Variants in NR2C2 observed in about 807,000 individuals in gnomAD.
NR2C2 encodes nuclear receptor subfamily 2 group C member 2.
Under a neutral mutation model 62.9 loss-of-function variants are expected in NR2C2, and 6 were observed. The observed-to-expected ratio is 0.10, with a 90% CI of 0.05 to 0.19. The LOEUF is 0.19. Ranked by LOEUF, NR2C2 falls within the 10% of genes least tolerant of loss-of-function variation. The probability of loss-of-function intolerance (pLI) is 1.00; values close to 1 mark genes in which losing one functional copy is unlikely to be tolerated. For synonymous variants in NR2C2, 272 were observed against 273.8 expected (o/e 0.99, Z 0.07); for missense variants, 479 against 762.7 (o/e 0.63, Z 4.38).
intron 12 of NR2C2, chr3:15,038,683 C>T (rs1481617358): frequency 5.9e-6 from 1 of 170,852 alleles, no homozygotes; most frequent in Admixed American, 5.5e-5. Context: ...GTTCACCTCA[C>T]AGTAAGGGGT....
At chr3:14,970,739 G>C (rs1249832666) in intron 1 of NR2C2, among the ~76,000 whole-genome samples, 28 of 152,094 alleles carry the variant, frequency 1.8e-4, no homozygotes, top group Admixed American at 1.8e-3. Context: ...CTGTCAGTGG[G>C]CATTTGGGTT....
At chr3:14,989,312 T>C (rs1241830406) in intron 1 of NR2C2, among the ~76,000 whole-genome samples, 1 of 152,192 alleles carries the variant, frequency 6.6e-6, no homozygotes, top group Non-Finnish European at 1.5e-5. Context: ...TTTGCGTATC[T>C]TCCTGCCAGA....
chr3:14,955,338 A>G (rs960864789), intron 1 of NR2C2, among the ~76,000 whole-genome samples: 5 of 152,232 alleles, frequency 3.3e-5, no homozygotes, highest in Non-Finnish European at 7.3e-5. Context: ...CATAAGTCAC[A>G]TATTACGACT....
chr3:15,016,103 T>C (rs2041504388), intron 3 of NR2C2, 49 bp from the exon 4 acceptor site: 2 of 1,423,200 alleles, frequency 1.4e-6, no homozygotes, highest in Non-Finnish European at 2.0e-6. Flanking sequence ...TGCCCGGCAG[T>C]GATTTGATTT....
chr3:14,975,896 G>A (rs1210144193), intron 1 of NR2C2, among the ~76,000 whole-genome samples: 1 of 151,792 alleles, frequency 6.6e-6, no homozygotes, highest in Non-Finnish European at 1.5e-5. Flanking sequence ...ACTGGTTATA[G>A]GTCTATTTGG....
chr3:14,985,943 CT>C (rs1167159050), intron 1 of NR2C2, among the ~76,000 whole-genome samples: 3 of 151,744 alleles, frequency 2.0e-5, no homozygotes, highest in Admixed American at 2.0e-4. Context: ...AAGGGTTTTT[CT>C]TTTTTTTCCC....
At chr3:14,952,697 C>T (rs945907704) in intron 1 of NR2C2, among the ~76,000 whole-genome samples, 2 of 152,132 alleles carry the variant, frequency 1.3e-5, no homozygotes, top group African/African-American at 4.8e-5. Context: ...ATATGTTCTT[C>T]CTTATTCGTT....
intron 10 of NR2C2, among the ~76,000 whole-genome samples, chr3:15,032,872 G>A (rs1053822934): frequency 6.6e-6 from 1 of 152,104 alleles, no homozygotes; most frequent in Non-Finnish European, 1.5e-5. Flanking sequence ...TGAATCAGCT[G>A]TTTCCTCAAA....
intron 11 of NR2C2, among the ~76,000 whole-genome samples, chr3:15,037,241 T>TG (rs1559310185): frequency 1.5e-4 from 21 of 138,524 alleles, no homozygotes; most frequent in East Asian, 4.2e-4. Context: ...GTGTGTGTGT[T>TG]TTTGTTTTTT....
intron 1 of NR2C2, among the ~76,000 whole-genome samples, chr3:14,963,610 A>G (rs1468946516): frequency 1.3e-5 from 2 of 151,704 alleles, no homozygotes; most frequent in East Asian, 1.9e-4. Context: ...CTGGGACTAC[A>G]GGCACCCGCC....
chr3:14,956,242 G>A (rs1430064649), intron 1 of NR2C2, among the ~76,000 whole-genome samples: 2 of 152,158 alleles, frequency 1.3e-5, no homozygotes, highest in Admixed American at 6.5e-5. Context: ...ATCTATGATT[G>A]CAAGTTTCAA....
At chr3:15,007,299 T>G (rs911981366) in intron 2 of NR2C2, among the ~76,000 whole-genome samples, 2 of 151,682 alleles carry the variant, frequency 1.3e-5, no homozygotes, top group East Asian at 3.9e-4. Context: ...GGCTAAATTT[T>G]TATATTTTTA....
At chr3:15,022,623 C>T (rs1323870919) in intron 5 of NR2C2, among the ~76,000 whole-genome samples, 1 of 152,090 alleles carries the variant, frequency 6.6e-6, no homozygotes, top group East Asian at 1.9e-4. Flanking sequence ...GCAAGTGATC[C>T]ACCCATCTCG....
At chr3:15,022,398 C>CTTTTTTTTTTTT (rs71038450) in intron 5 of NR2C2, among the ~76,000 whole-genome samples, 14 of 89,132 alleles carry the variant, frequency 1.6e-4, no homozygotes, top group South Asian at 4.4e-4. Context: ...CTTTTTCTTT[C>CTTTTTTTTTTTT]TTTTTTTTTT....
At chr3:14,978,749 G>C (rs183610451) in intron 1 of NR2C2, among the ~76,000 whole-genome samples, 1 of 152,146 alleles carries the variant, frequency 6.6e-6, no homozygotes, top group African/African-American at 2.4e-5. Context: ...TGTGAAAACC[G>C]AAGAACAGGG....
chr3:15,039,026 A>T (rs1195771327), intron 12 of NR2C2, 96 bp from the exon 13 acceptor site: 3 of 817,220 alleles, frequency 3.7e-6, no homozygotes, highest in South Asian at 3.0e-5. Context: ...TGTACTTAAG[A>T]AGTTTGCAGA....
In NR2C2 at chr3:15,038,288, A is replaced by G. The variant is rs1575043055; in HGVS notation, c.1510+151A>G. On this transcript the variant is annotated intron_variant, in intron 12 of 13. Transcript: ENST00000425241. ...ATGATAGGTGTTTTGCTAGATAAAT[A>G]CATAAACGCTTTTAAATTCTTGCCT... The G allele has an allele frequency of 1.2e-5, 9 of 742,974 alleles. No homozygotes were observed. The East Asian group carries it at 2.7e-4, about 22-fold the overall frequency. The allele number at this position is 742,974 out of a possible 1,614,324, so 46.0% of individuals were successfully genotyped here.
At chr3:14,947,934 TCGGGCCGGCGGCGGAGGGGG>T (rs1197190519) in intron 1 of NR2C2, 28 bp downstream of exon 1, 4 of 147,714 alleles carry the variant, frequency 2.7e-5, no homozygotes, top group African/African-American at 1.0e-4. Context: ...TCGGGCGGGC[TCGGGCCGGCGGCGGAGGGGG>T]CGGGCCTGGC....
chr3:15,026,718 G>A (rs1027026851), intron 7 of NR2C2: 3 of 151,976 alleles, frequency 2.0e-5, no homozygotes, highest in African/African-American at 7.2e-5. Context: ...TTTTTTTAAA[G>A]ACAAGAGTTT....
Sources: allele counts gnomAD v4.1 joint callset (sites outside exome capture counted in the v4.1 genomes callset), GRCh38; gene constraint gnomAD v4.1.1; transcripts MANE v1.5; gene names NCBI Gene and HGNC (gene_info 2026-07-23, HGNC 2026-07-21).